PAPSS2: variants seen among roughly 807,000 people sequenced by gnomAD.
PAPSS2 encodes bifunctional 3'-phosphoadenosine 5'-phosphosulfate synthase 2.
Under a neutral mutation model 66.5 loss-of-function variants are expected in PAPSS2, and 61 were observed. The ratio of observed to expected loss-of-function variants is 0.92; its 90% CI spans 0.75 to 1.14. The LOEUF (loss-of-function observed/expected upper bound fraction) is 1.14. PAPSS2 is among the 50% of genes most tolerant of loss of function. PAPSS2 has a pLI of 0.00. For synonymous variants in PAPSS2, 289 were observed against 287.5 expected (o/e 1.01, Z -0.05); for missense variants, 708 against 789.6 (o/e 0.90, Z 1.24).
At chr10:87,713,493 T>C (rs1289905923) in intron 3 of PAPSS2, among the ~76,000 whole-genome samples, 183 bp downstream of exon 3, 1 of 152,058 alleles carries the variant, frequency 6.6e-6, no homozygotes, top group African/African-American at 2.4e-5. Flanking sequence ...ATTGGTTATA[T>C]AAAGGAGTTC....
At chr10:87,716,243 G>C (rs1037075559) in intron 7 of PAPSS2, among the ~76,000 whole-genome samples, 1 of 152,138 alleles carries the variant, frequency 6.6e-6, no homozygotes, top group African/African-American at 2.4e-5. Context: ...CCACCCTCCA[G>C]GTTGCTCATG....
At chr10:87,669,614 T>C (rs531899681) in intron 1 of PAPSS2, among the ~76,000 whole-genome samples, 2 of 152,350 alleles carry the variant, frequency 1.3e-5, no homozygotes, top group Admixed American at 1.3e-4. Context: ...TGTGCGTTAT[T>C]TATCTGAAGT....
At position 87,673,480 on chromosome 10, in the gene PAPSS2, C is replaced by T. The variant is rs980261470; in HGVS notation, c.27+13472C>T. Among the ~76,000 whole-genome samples, 8 of 151,928 alleles carry T rather than the reference C, an allele frequency of 5.3e-5. 1 individual carries two copies. The highest frequency in any genetic ancestry group is 6.6e-5 in the Admixed American group (1 of 15,254). On this transcript the variant is annotated intron_variant, in intron 1 of 12. Coordinates refer to ENST00000456849, the MANE Select transcript of PAPSS2 (RefSeq NM_001015880.2). ...CAGCCTGGGATTTTCTTCATATTCT[C>T]TTTATAAAAATTCATAGAGAGACAT...
At chr10:87,701,368 CTTT>C (rs1564716754) in intron 1 of PAPSS2, among the ~76,000 whole-genome samples, 4 of 99,104 alleles carry the variant, frequency 4.0e-5, no homozygotes, top group Non-Finnish European at 5.7e-5. Flanking sequence ...TTCTTTCTTT[CTTT>C]CTTTCTTTCT....
chr10:87,676,264 G>A (rs1852945203), intron 1 of PAPSS2, among the ~76,000 whole-genome samples: 1 of 152,112 alleles, frequency 6.6e-6, no homozygotes, highest in Admixed American at 6.5e-5. Flanking sequence ...GCTTAAGAAA[G>A]TAGCTTGTAA....
rs1589415672 is a variant in PAPSS2, at chr10:87,662,961, C to G, written c.27+2953C>G. ...TGGCATGATCTCAGCTCACTGCAACCTCCGCCTCCCGGGTTCAAGCCATTC... is the reference window on the plus strand; with the variant it reads ...TGGCATGATCTCAGCTCACTGCAACGTCCGCCTCCCGGGTTCAAGCCATTC... On this transcript the variant is annotated intron_variant, in intron 1 of 12. Coordinates refer to ENST00000456849, the MANE Select transcript of PAPSS2 (RefSeq NM_001015880.2). Among the ~76,000 whole-genome samples, 10 of 151,760 alleles carry G rather than the reference C, an allele frequency of 6.6e-5. No homozygotes were observed. In the South Asian group the frequency reaches 2.1e-3, roughly 32 times the overall value.
chr10:87,679,290 T>C (rs117310658), intron 1 of PAPSS2, among the ~76,000 whole-genome samples: 8 of 151,832 alleles, frequency 5.3e-5, no homozygotes, highest in Non-Finnish European at 1.2e-4. Flanking sequence ...TTGGTTAGGG[T>C]GGGGAGATGA....
At chr10:87,678,020 G>GA (rs925623783) in intron 1 of PAPSS2, among the ~76,000 whole-genome samples, 1 of 151,990 alleles carries the variant, frequency 6.6e-6, no homozygotes, top group Non-Finnish European at 1.5e-5. Flanking sequence ...AGACCTACAA[G>GA]AAAAAAACAT....
intron 7 of PAPSS2, among the ~76,000 whole-genome samples, chr10:87,720,360 C>T (rs980254265): frequency 5.3e-5 from 8 of 152,176 alleles, no homozygotes; most frequent in African/African-American, 1.9e-4. Flanking sequence ...TGAAACGCAG[C>T]AACAGAGGCT....
intron 1 of PAPSS2, among the ~76,000 whole-genome samples, chr10:87,674,219 C>A (rs1852916220): frequency 6.6e-6 from 1 of 152,238 alleles, no homozygotes. Flanking sequence ...GGCTGGAGTG[C>A]AGTGGCACGA....
At chr10:87,729,729 G>A (rs149513555) in intron 9 of PAPSS2, among the ~76,000 whole-genome samples, 2 of 152,266 alleles carry the variant, frequency 1.3e-5, no homozygotes, top group Non-Finnish European at 2.9e-5. Context: ...AGGTGCAGTG[G>A]CTCACACTTG....
chr10:87,682,703 AG>A (rs781727839), intron 1 of PAPSS2, among the ~76,000 whole-genome samples: 2 of 152,246 alleles, frequency 1.3e-5, no homozygotes, highest in African/African-American at 4.8e-5. Flanking sequence ...AGATATTAAA[AG>A]AGATGTTGAA....
In PAPSS2 at chr10:87,659,949, C is replaced by T. The variant is rs745680612; in HGVS notation, c.-33C>T. The stretch of plus-strand genomic sequence containing the variant: ...GTCCCTGCGTCCTTCGGTCTCTGCT[C>T]CCGGGACCCGGGCTCCGCCGCAGCC... On this transcript the variant is annotated 5_prime_UTR_variant, in exon 1 of 13. Transcript: ENST00000456849. The T allele has an allele frequency of 1.9e-6, 3 of 1,611,266 alleles. No individual in the cohort carries two copies. Among genetic ancestry groups the T allele is most frequent in the East Asian group, 2.2e-5 (1 of 44,820 alleles).
intron 1 of PAPSS2, among the ~76,000 whole-genome samples, chr10:87,686,648 A>G (rs1372319297): frequency 6.6e-6 from 1 of 152,218 alleles, no homozygotes; most frequent in Non-Finnish European, 1.5e-5. Context: ...TGCTATGTCT[A>G]CAATTTCAGA....
At chr10:87,726,688 T>C (rs1233867551) in intron 8 of PAPSS2, among the ~76,000 whole-genome samples, 2 of 152,168 alleles carry the variant, frequency 1.3e-5, no homozygotes, top group Admixed American at 1.3e-4. Context: ...CTGATTAGTA[T>C]TAAAAAAGAC....
At chr10:87,674,607 C>T (rs113019719) in intron 1 of PAPSS2, among the ~76,000 whole-genome samples, 2 of 151,966 alleles carry the variant, frequency 1.3e-5, no homozygotes, top group Non-Finnish European at 2.9e-5. Context: ...CAGATTATAT[C>T]GTTGCAGATA....
At chr10:87,681,156 C>G (rs1853015989) in intron 1 of PAPSS2, among the ~76,000 whole-genome samples, 1 of 152,164 alleles carries the variant, frequency 6.6e-6, no homozygotes. Context: ...TTCTCAGGTT[C>G]AAGACATCAA....
intron 1 of PAPSS2, chr10:87,660,918 C>T (rs1852744423): frequency 2.2e-6 from 1 of 453,358 alleles, no homozygotes. Flanking sequence ...GTCAGCAAGC[C>T]TTGATAAAAT....
At chr10:87,676,285 T>G (rs1324194926) in intron 1 of PAPSS2, among the ~76,000 whole-genome samples, 1 of 152,080 alleles carries the variant, frequency 6.6e-6, no homozygotes, top group East Asian at 1.9e-4. Context: ...TTCTCTAGAG[T>G]GTAAGTCTCC....
Sources: gnomAD v4.1 joint callset for allele counts (sites outside exome capture counted in the v4.1 genomes callset) on GRCh38, gnomAD v4.1.1 for gene constraint, MANE v1.5 for transcripts, NCBI Gene and HGNC (gene_info 2026-07-23, HGNC 2026-07-21) for gene names.